BEND5: variants seen among roughly 807,000 people sequenced by gnomAD.
The protein encoded by BEND5 is BEN domain-containing protein 5.
Under a neutral mutation model 43.9 loss-of-function variants are expected in BEND5, and 22 were observed. That is an observed-to-expected ratio of 0.50 (90% CI 0.36 to 0.72). BEND5 has a LOEUF of 0.72. Among genes scored for constraint, BEND5 ranks in the 30% least tolerant of loss-of-function variants. The pLI is 0.00. For synonymous variants in BEND5, 228 were observed against 225.9 expected (o/e 1.01, Z -0.08); for missense variants, 428 against 550.6 (o/e 0.78, Z 2.23).
chr1:48,736,877 C>T lies in BEND5; in HGVS notation c.895-425G>A, dbSNP rs1224781147. ...CCATGCTTAACTTCTTTCTGTGTTA[C>T]ACTATGGAAAGACCCACCTTCCTTT... On this transcript the variant is annotated intron_variant, in intron 4 of 5. Transcript: ENST00000371833. The surrounding 1 kb of genome is among the most constrained non-coding windows in gnomAD (Gnocchi z 4.0). 6.6e-6 allele frequency among the ~76,000 whole-genome samples: 1 copy of T among 152,170 alleles called. No homozygotes were observed. The highest frequency in any genetic ancestry group is 6.5e-5 in the Admixed American group (1 of 15,278).
intron 1 of BEND5, among the ~76,000 whole-genome samples, chr1:48,774,528 G>A (rs1404821930): frequency 6.6e-6 from 1 of 152,170 alleles, no homozygotes; most frequent in Non-Finnish European, 1.5e-5. Context: ...AAGGGGAAGT[G>A]TTTTTCAACT....
At position 48,759,093 on chromosome 1, in the gene BEND5, CT is replaced by C. The variant is rs1484319679; in HGVS notation, c.551del (p.Glu184GlyfsTer45). ...EDAVVPRALY[E>X]ELLRNYQQQQ... The stretch of plus-strand genomic sequence containing the variant: ...GCTGCTGGTAGTTGCGCAGCAGCTC[CT>C]CATACAGAGCCCGGGGCACCACAGC... On this transcript the variant is annotated frameshift_variant, in exon 3 of 6. Transcript: ENST00000371833. LOFTEE classifies it high-confidence loss of function. 1.2e-6 allele frequency: 2 copies of C among 1,612,290 alleles called. No individual in the cohort carries two copies. Among genetic ancestry groups the C allele is most frequent in the Non-Finnish European group, 1.7e-6 (2 of 1,179,128 alleles).
intron 5 of BEND5, among the ~76,000 whole-genome samples, chr1:48,728,879 T>C (rs572125076): frequency 1.3e-5 from 2 of 152,328 alleles, no homozygotes; most frequent in African/African-American, 4.8e-5. Flanking sequence ...ATTAAGGTTC[T>C]GACAACCTGG....
At chr1:48,754,555 G>C (rs1470518028) in intron 3 of BEND5, among the ~76,000 whole-genome samples, 1 of 152,084 alleles carries the variant, frequency 6.6e-6, no homozygotes, top group African/African-American at 2.4e-5. Context: ...TTACTTATTT[G>C]GGGGAGGAGG....
At position 48,741,835 on chromosome 1, in the gene BEND5, C is replaced by T. The variant is rs575522415; in HGVS notation, c.894+788G>A. On this transcript the variant is annotated intron_variant, in intron 4 of 5. Transcript: ENST00000371833. Reference sequence around the variant, plus strand: ...CATGCCACAGTGGCAGAGAACATAACGCTAAAGCTGAATTTCACCAGTGCC... The same window carrying T: ...CATGCCACAGTGGCAGAGAACATAATGCTAAAGCTGAATTTCACCAGTGCC... Among the ~76,000 whole-genome samples, 96 of 152,290 alleles carry T rather than the reference C, an allele frequency of 6.3e-4. No individual in the cohort carries two copies. In the South Asian group the frequency reaches 7.5e-3, roughly 12 times the overall value.
At chr1:48,769,526 A>AAC (rs558937968) in intron 1 of BEND5, among the ~76,000 whole-genome samples, 25,564 of 129,924 alleles carry the variant, frequency 0.2, 2,717 homozygotes, top group East Asian at 0.45. Context: ...GAGGATTTAA[A>AAC]ACACACACAC....
chr1:48,764,648 C>T (rs1644443360), intron 1 of BEND5, among the ~76,000 whole-genome samples: 1 of 152,212 alleles, frequency 6.6e-6, no homozygotes, highest in Admixed American at 6.5e-5. Context: ...GTGGAATAAA[C>T]TAGGCGTCAG....
At position 48,738,989 on chromosome 1, in the gene BEND5, A is replaced by C. The variant is rs1649492524; in HGVS notation, c.895-2537T>G. On this transcript the variant is annotated intron_variant, in intron 4 of 5. Transcript: ENST00000371833. ...TACACAATCAGTCAATTTTGGAATC[A>C]AGATTCAAACCCAAATCCTGAAGCT... is the stretch of plus-strand genomic sequence containing the variant. 2.6e-5 allele frequency among the ~76,000 whole-genome samples: 4 copies of C among 152,230 alleles called. No individual in the cohort carries two copies. In the South Asian group the frequency reaches 6.2e-4, roughly 24 times the overall value.
chr1:48,766,244 T>A (rs145780466), intron 1 of BEND5, among the ~76,000 whole-genome samples: 17 of 152,100 alleles, frequency 1.1e-4, no homozygotes, highest in African/African-American at 3.9e-4. Flanking sequence ...GAAATGAGGC[T>A]CAAAGAAACA....
intron 3 of BEND5, among the ~76,000 whole-genome samples, chr1:48,755,594 G>A (rs372946825): frequency 2.0e-4 from 30 of 152,198 alleles, no homozygotes; most frequent in African/African-American, 7.2e-4. Context: ...AACTGAAGCC[G>A]AGAGTCAAAC....
At position 48,750,570 on chromosome 1, in the gene BEND5, T is replaced by A. The variant is rs139967897; in HGVS notation, c.746-7799A>T. 1.2e-4 allele frequency among the ~76,000 whole-genome samples: 19 copies of A among 152,330 alleles called. No individual in the cohort carries two copies. The East Asian group carries it at 3.5e-3, about 28-fold the overall frequency. ...AAGCTCACCCTGCATCCCAACTGTC[T>A]GCTGTTGAGACTGTGACTTCTTTAA... On this transcript the variant is annotated intron_variant, in intron 3 of 5. Transcript: ENST00000371833.
intron 3 of BEND5, among the ~76,000 whole-genome samples, chr1:48,747,415 C>T (rs948649262): frequency 6.6e-6 from 1 of 152,118 alleles, no homozygotes; most frequent in African/African-American, 2.4e-5. Context: ...ATTCATGAAC[C>T]CATTCATCAC....
At position 48,727,752 on chromosome 1, in the gene BEND5, C is replaced by T. The variant is rs900866542; in HGVS notation, c.*134G>A. 6.4e-5 allele frequency: 50 copies of T among 782,664 alleles called. No homozygotes were observed. Among genetic ancestry groups the T allele is most frequent in the East Asian group, 3.6e-4 (13 of 36,190 alleles). The allele number at this position is 782,664 out of a possible 1,614,324, so 48.5% of individuals were successfully genotyped here. A position where few individuals can be genotyped will look rare whatever the true frequency, so the allele number is the denominator to read the frequency against. Reference sequence around the variant, plus strand: ...TGGAGTGTCCACATTCAGAACAAGCCGCTGACCCCAGAACCCGATGGATCC... The same window carrying T: ...TGGAGTGTCCACATTCAGAACAAGCTGCTGACCCCAGAACCCGATGGATCC... On this transcript the variant is annotated 3_prime_UTR_variant, in exon 6 of 6. Coordinates refer to ENST00000371833, the MANE Select transcript of BEND5 (RefSeq NM_024603.4).
At chr1:48,764,092 A>C (rs1469985741) in intron 1 of BEND5, among the ~76,000 whole-genome samples, 2 of 152,222 alleles carry the variant, frequency 1.3e-5, no homozygotes, top group African/African-American at 4.8e-5. Flanking sequence ...TACAAGATAA[A>C]AACACAAGAA....
Position 48,727,901 on chromosome 1 carries a change from T to C in BEND5, c.1251A>G (p.Lys417=), listed in dbSNP as rs760816601. 3.7e-6 allele frequency: 6 copies of C among 1,604,610 alleles called. No homozygotes were observed. In the Admixed American group the frequency reaches 1.0e-4, roughly 27 times the overall value. Residue 417 remains lysine, a synonymous_variant, in exon 6 of 6, where the codon AAA becomes AAG. Coordinates refer to ENST00000371833, the MANE Select transcript of BEND5 (RefSeq NM_024603.4). ...AATCCAAAGTTTATTGCAAATTGTATTTTGCTTCCCTTCGTTCTTCATTTT... is the reference window on the plus strand; with the variant it reads ...AATCCAAAGTTTATTGCAAATTGTACTTTGCTTCCCTTCGTTCTTCATTTT... ...SCKNEERREA[K]YNLQ
At chr1:48,752,786 T>C (rs1257382876) in intron 3 of BEND5, among the ~76,000 whole-genome samples, 3 of 152,148 alleles carry the variant, frequency 2.0e-5, no homozygotes, top group Admixed American at 2.0e-4. Context: ...AGTCTCGCTC[T>C]GTCGCCAGGC....
intron 4 of BEND5, 118 bp downstream of exon 4, chr1:48,742,505 G>A: frequency 1.9e-6 from 2 of 1,066,580 alleles, no homozygotes; most frequent in Non-Finnish European, 2.5e-6. Context: ...AGTCATTCAG[G>A]GCTAGGCCAG....
chr1:48,733,506 A>C (rs1022205954), intron 5 of BEND5, among the ~76,000 whole-genome samples: 4 of 152,218 alleles, frequency 2.6e-5, no homozygotes, highest in Non-Finnish European at 5.9e-5. Flanking sequence ...AAAAGTAAAA[A>C]AATTTAAAAA....
Position 48,745,894 on chromosome 1 carries a change from C to G in BEND5, c.746-3123G>C, listed in dbSNP as rs75899910. On this transcript the variant is annotated intron_variant, in intron 3 of 5. Coordinates refer to ENST00000371833, the MANE Select transcript of BEND5 (RefSeq NM_024603.4). Reference sequence around the variant, plus strand: ...TACTCTACCATAATAATCAGATGTACTTGTTCGTCTCTATATCTGTCTCCC... The same window carrying G: ...TACTCTACCATAATAATCAGATGTAGTTGTTCGTCTCTATATCTGTCTCCC... 3.0e-3 allele frequency among the ~76,000 whole-genome samples: 449 copies of G among 152,126 alleles called. 4 individuals carry two copies. The highest frequency in any genetic ancestry group is 0.01 in the African/African-American group (426 of 41,482).
Sources: gnomAD v4.1 joint callset for allele counts (sites outside exome capture counted in the v4.1 genomes callset) on GRCh38, gnomAD v4.1.1 for gene constraint, Gnocchi (gnomAD v3.1) non-coding constraint, MANE v1.5 for transcripts, NCBI Gene and HGNC (gene_info 2026-07-23, HGNC 2026-07-21) for gene names.